ADPRHL1: variants seen among roughly 807,000 people sequenced by gnomAD.
ADPRHL1 encodes inactive ADP-ribosyltransferase ARH2.
ADPRHL1 carries 43 observed loss-of-function variants against 44.1 expected under a neutral mutation model. The observed-to-expected ratio is 0.98, with a 90% CI of 0.76 to 1.26. ADPRHL1 has a LOEUF of 1.26. ADPRHL1 is among the 50% of genes most tolerant of loss of function. The pLI is 0.00. For missense variants in ADPRHL1, 2,022 were observed against 2,496.9 expected, an observed-to-expected ratio of 0.81 and a Z score of 4.05; for synonymous variants, 878 against 1,017.4, an observed-to-expected ratio of 0.86 and a Z score of 2.61.
rs1378205567 is a variant in ADPRHL1, at chr13:113,409,960, C to T, written c.1062-1740G>A. 8 of 981,124 alleles carry T rather than the reference C, an allele frequency of 8.2e-6. No homozygotes were observed. Among genetic ancestry groups the T allele is most frequent in the African/African-American group, 5.3e-5 (3 of 56,950 alleles). 60.8% of individuals were successfully genotyped at this position (981,124 alleles called of 1,614,324 possible). A position where few individuals can be genotyped will look rare whatever the true frequency, so the allele number is the denominator to read the frequency against. On this transcript the variant is annotated intron_variant, in intron 7 of 7. Coordinates refer to ENST00000612156, the MANE Select transcript of ADPRHL1 (RefSeq NM_001394807.1). The surrounding 1 kb of genome is among the most constrained non-coding windows in gnomAD (Gnocchi z 4.2). ...GACCGGAAGGAAATGTGTGAACATA[C>T]TTCTCTTTTTGTGTTTGTCTGCATT...
Position 113,409,410 on chromosome 13 carries a change from A to G in ADPRHL1, c.1062-1190T>C, listed in dbSNP as rs764409465. On this transcript the variant is annotated intron_variant, in intron 7 of 7. Transcript: ENST00000612156. This position sits in a 1 kb window ranked among gnomAD's most constrained non-coding sequence, Gnocchi z 4.2. ...AGGGATGAGGAACAAAGACTCGAGT[A>G]TTACAGGAAAAGTCGCCTTCATGGT... 7 of 985,284 alleles carry G rather than the reference A, an allele frequency of 7.1e-6. No individual in the cohort carries two copies. The highest frequency in any genetic ancestry group is 6.1e-5 in the Admixed American group (1 of 16,264). The allele number at this position is 985,284 out of a possible 1,614,324, so 61.0% of individuals were successfully genotyped here.
At position 113,453,235 on chromosome 13, in the gene ADPRHL1, G is replaced by C; in HGVS notation, c.203C>G (p.Ala68Gly). The change falls in exon 1 of 8, where the codon GCC becomes GGC. Residue 68 changes from alanine to glycine, a missense_variant. Transcript: ENST00000612156. This position sits in a 1 kb window ranked among gnomAD's most constrained non-coding sequence, Gnocchi z 5.4. ...NTIMHIATAE[A>G]LTTDYWCLDD... is the part of the protein sequence containing the mutation. Reference sequence around the variant, plus strand: ...TGGGCCCAGCCTACCTGTGGTGAGGGCCTCGGCGGTTGCGATGTGCATGAT... The same window carrying C: ...TGGGCCCAGCCTACCTGTGGTGAGGCCCTCGGCGGTTGCGATGTGCATGAT... 6.2e-7 allele frequency: 1 copy of C among 1,614,100 alleles called. No homozygotes were observed. Among genetic ancestry groups the C allele is most frequent in the Non-Finnish European group, 8.5e-7 (1 of 1,180,034 alleles).
At chr13:113,420,993 AACCCCTGGGACATGCCT>A (rs1342977696) in intron 7 of ADPRHL1, among the ~76,000 whole-genome samples, 3 of 63,550 alleles carry the variant, frequency 4.7e-5, no homozygotes, top group Non-Finnish European at 8.7e-5. Flanking sequence ...CAGGACCGCC[AACCCCTGGGACATGCCT>A]ACCCCTGGGA....
In ADPRHL1 at chr13:113,453,327, C is replaced by T; in HGVS notation, c.111G>A (p.Leu37=). The T allele has an allele frequency of 6.2e-7, 1 of 1,614,216 alleles. No homozygotes were observed. The highest frequency in any genetic ancestry group is 8.5e-7 in the Non-Finnish European group (1 of 1,180,048). Residue 37 remains leucine (L), a synonymous_variant, in exon 1 of 8, where the codon CTG becomes CTA. Coordinates refer to ENST00000612156, the MANE Select transcript of ADPRHL1 (RefSeq NM_001394807.1). The surrounding 1 kb of genome is among the most constrained non-coding windows in gnomAD (Gnocchi z 5.4). Reference sequence around the variant, plus strand: ...GGTGGTCCAGGCCCCCGGAACGTTGCAGCTCCTCCTGGATCTTCATGCCTA... The same window carrying T: ...GGTGGTCCAGGCCCCCGGAACGTTGTAGCTCCTCCTGGATCTTCATGCCTA... ...STVGMKIQEE[L]QRSGGLDHLV... is the part of the protein sequence containing the mutation.
chr13:113,425,225 A>T, intron 4 of ADPRHL1, 46 bp from the exon 5 acceptor site: 2 of 366,810 alleles, frequency 5.5e-6, no homozygotes, highest in Non-Finnish European at 7.3e-6. Context: ...GCATCCATGG[A>T]GTGGGGCGGG....
In ADPRHL1 at chr13:113,405,269, A is replaced by G; in HGVS notation, c.4013T>C (p.Leu1338Pro). 1 of 1,231,908 alleles carries G rather than the reference A, an allele frequency of 8.1e-7. No homozygotes were observed. The highest frequency in any genetic ancestry group is 1.0e-6 in the Non-Finnish European group (1 of 988,122). The allele number at this position is 1,231,908 out of a possible 1,614,324, so 76.3% of individuals were successfully genotyped here. A position where few individuals can be genotyped will look rare whatever the true frequency, so the allele number is the denominator to read the frequency against. Reference protein sequence around the residue: ...GGTHQRGPPHLQAHLPPTAGD... With the variant: ...GGTHQRGPPHPQAHLPPTAGD... Reference sequence around the variant, plus strand: ...AGCAGTAGGGGGCAGGTGTGCCTGTAGATGGGGAGGGCCCCGCTGGTGGGT... The same window carrying G: ...AGCAGTAGGGGGCAGGTGTGCCTGTGGATGGGGAGGGCCCCGCTGGTGGGT... Residue 1338 changes from leucine (L) to proline (P), a missense_variant, in exon 8 of 8, where the codon CTA becomes CCA. By Grantham distance (98) the Leu-to-Pro change is moderately conservative. Transcript: ENST00000612156.
At chr13:113,414,965 G>A (rs1016443137) in intron 7 of ADPRHL1, among the ~76,000 whole-genome samples, 4 of 152,090 alleles carry the variant, frequency 2.6e-5, no homozygotes, top group African/African-American at 9.7e-5. Context: ...GAGCCACCAT[G>A]CCCAGCTCAG....
In ADPRHL1 at chr13:113,405,392, T is replaced by G; in HGVS notation, c.3890A>C (p.Lys1297Thr). The G allele has an allele frequency of 8.1e-7, 1 of 1,231,948 alleles. No individual in the cohort carries two copies. Among genetic ancestry groups the G allele is most frequent in the Non-Finnish European group, 1.0e-6 (1 of 988,138 alleles). The allele number at this position is 1,231,948 out of a possible 1,614,324, so 76.3% of individuals were successfully genotyped here. A position where few individuals can be genotyped will look rare whatever the true frequency, so the allele number is the denominator to read the frequency against. The change falls in exon 8 of 8, where the codon AAG becomes ACG. Residue 1297 changes from lysine (K) to threonine (T), a missense_variant. This residue lies in a region of ADPRHL1 where 1,221 missense variants were observed against 1,517.8 expected (regional missense o/e 0.80). Coordinates refer to ENST00000612156, the MANE Select transcript of ADPRHL1 (RefSeq NM_001394807.1). ...PPSPPENPQA[K>T]GREGVRFPRG... ...GGGAAACCTGACGCCCTCCCTGCCC[T>G]TTGCCTGTGGGTTCTCAGGAGGCGA...
At chr13:113,436,142 G>A (rs1373988156) in intron 2 of ADPRHL1, among the ~76,000 whole-genome samples, 1 of 145,988 alleles carries the variant, frequency 6.8e-6, no homozygotes, top group African/African-American at 2.5e-5. Flanking sequence ...GGTGTACCCC[G>A]GGACCCGGCA....
rs2044025918 is a variant in ADPRHL1, at chr13:113,433,835, A to T, written c.412T>A (p.Cys138Ser). Residue 138 changes from cysteine (C) to serine (S), a missense_variant, in exon 3 of 8, where the codon TGC becomes AGC. By Grantham distance (112) the Cys-to-Ser change is moderately radical. This residue lies in a region of ADPRHL1 where 437 missense variants were observed against 430.7 expected (regional missense o/e 1.01). Coordinates refer to ENST00000612156, the MANE Select transcript of ADPRHL1 (RefSeq NM_001394807.1). Reference protein sequence around the residue: ...SGFGAATKAMCIGLRYWKPER... With the variant: ...SGFGAATKAMSIGLRYWKPER... ...GGCTTCCAGTACCGCAGGCCGATGC[A>T]CATGGCCTTGGTGGCCGCTCCAAAC... is the stretch of plus-strand genomic sequence containing the variant. The T allele has an allele frequency of 6.4e-7, 1 of 1,572,160 alleles. No individual in the cohort carries two copies. Among genetic ancestry groups the T allele is most frequent in the South Asian group, 1.2e-5 (1 of 85,782 alleles).
At chr13:113,412,857 C>T (rs1328785292) in intron 7 of ADPRHL1, among the ~76,000 whole-genome samples, 5 of 61,342 alleles carry the variant, frequency 8.2e-5, no homozygotes. Context: ...CCGCAGAGCT[C>T]GGTTCACCCA....
intron 1 of ADPRHL1, among the ~76,000 whole-genome samples, chr13:113,452,770 TCA>T (rs2044186737): frequency 6.6e-6 from 1 of 152,200 alleles, no homozygotes; most frequent in Non-Finnish European, 1.5e-5. Context: ...ATTAATGGGT[TCA>T]CATTTCAAAC....
chr13:113,409,658 T>C lies in ADPRHL1; in HGVS notation c.1062-1438A>G, dbSNP rs2043836865. On this transcript the variant is annotated intron_variant, in intron 7 of 7. Coordinates refer to ENST00000612156, the MANE Select transcript of ADPRHL1 (RefSeq NM_001394807.1). The surrounding 1 kb of genome is among the most constrained non-coding windows in gnomAD (Gnocchi z 4.2). The stretch of plus-strand genomic sequence containing the variant: ...TCAGCGTGATTTGGGAGGCCGAGGC[T>C]GGCAGATCACGAGGTCAGGAGATCG... 1.0e-6 allele frequency: 1 copy of C among 965,852 alleles called. No homozygotes were observed. Among genetic ancestry groups the C allele is most frequent in the Admixed American group, 6.2e-5 (1 of 16,230 alleles). 59.8% of individuals were successfully genotyped at this position (965,852 alleles called of 1,614,324 possible). A position where few individuals can be genotyped will look rare whatever the true frequency, so the allele number is the denominator to read the frequency against.
intron 3 of ADPRHL1, among the ~76,000 whole-genome samples, chr13:113,432,230 C>T (rs1482133118): frequency 6.6e-6 from 1 of 152,040 alleles, no homozygotes; most frequent in Non-Finnish European, 1.5e-5. Flanking sequence ...TTCAGGCGAT[C>T]CTCCTACATC....
At chr13:113,412,739 G>A (rs181714280) in intron 7 of ADPRHL1, among the ~76,000 whole-genome samples, 6 of 140,344 alleles carry the variant, frequency 4.3e-5, no homozygotes, top group African/African-American at 5.5e-5. Flanking sequence ...CGCCAACAGT[G>A]CCCCGCGGAG....
intron 2 of ADPRHL1, among the ~76,000 whole-genome samples, chr13:113,437,006 T>A (rs7329758): frequency 1.9e-5 from 2 of 103,332 alleles, no homozygotes; most frequent in African/African-American, 7.9e-5. Context: ...AGGTGTAGAG[T>A]GAGCATAGGT....
Position 113,403,464 on chromosome 13 carries a change from G to C in ADPRHL1, c.5818C>G (p.Gln1940Glu). 1 of 1,232,132 alleles carries C rather than the reference G, an allele frequency of 8.1e-7. No individual in the cohort carries two copies. The highest frequency in any genetic ancestry group is 1.0e-6 in the Non-Finnish European group (1 of 988,012). The allele number at this position is 1,232,132 out of a possible 1,614,324, so 76.3% of individuals were successfully genotyped here. ...RSRHLAKYKA[Q>E]SFRDQRAFDL... Reference sequence around the variant, plus strand: ...AAGGCCCTCTGGTCACGGAAGCTCTGGGCTTTGTACTTGGCCAGGTGCCTG... The same window carrying C: ...AAGGCCCTCTGGTCACGGAAGCTCTCGGCTTTGTACTTGGCCAGGTGCCTG... The change falls in exon 8 of 8, where the codon CAG becomes GAG. Residue 1940 changes from glutamine to glutamate, a missense_variant. This residue lies in a region of ADPRHL1 where 205 missense variants were observed against 250.1 expected (regional missense o/e 0.82). Coordinates refer to ENST00000612156, the MANE Select transcript of ADPRHL1 (RefSeq NM_001394807.1).
rs1212200195 is a variant in ADPRHL1, at chr13:113,453,010, TCAC to T, written c.214+211_214+213del. Among the ~76,000 whole-genome samples, 1 of 152,216 alleles carries T rather than the reference TCAC, an allele frequency of 6.6e-6. No homozygotes were observed. The highest frequency in any genetic ancestry group is 1.5e-5 in the Non-Finnish European group (1 of 68,048). On this transcript the variant is annotated intron_variant, in intron 1 of 7. Transcript: ENST00000612156. The surrounding 1 kb of genome is among the most constrained non-coding windows in gnomAD (Gnocchi z 5.4). ...ATAACTGCAAAGTAAAGTAATACTGTCACCCTCAGAGAAACCACAGGAGAAACG... is the reference window on the plus strand; with the variant it reads ...ATAACTGCAAAGTAAAGTAATACTGTCCTCAGAGAAACCACAGGAGAAACG...
intron 2 of ADPRHL1, among the ~76,000 whole-genome samples, chr13:113,442,435 T>C (rs1475163339): frequency 2.0e-5 from 3 of 152,268 alleles, no homozygotes; most frequent in Non-Finnish European, 4.4e-5. Context: ...TGCTCCAGCC[T>C]GGGTGACAGA....
Sources: allele counts gnomAD v4.1 joint callset (sites outside exome capture counted in the v4.1 genomes callset), GRCh38; gene constraint gnomAD v4.1.1; regional missense constraint gnomAD v4.1.1; non-coding constraint Gnocchi (gnomAD v3.1); transcripts MANE v1.5; gene names NCBI Gene and HGNC (gene_info 2026-07-23, HGNC 2026-07-21).